Variants in SRPK2 observed in about 807,000 individuals in gnomAD.
SRPK2 encodes the protein SRSF protein kinase 2, also known as SFRS protein kinase 2.
In SRPK2, 21 loss-of-function variants were observed where a neutral mutation model predicts 90.8. The observed-to-expected ratio is 0.23, with a 90% confidence interval of 0.16 to 0.33. SRPK2 has a LOEUF of 0.33. Among genes scored for constraint, SRPK2 ranks in the 10% least tolerant of loss-of-function variants. SRPK2 has a pLI of 1.00. For missense variants in SRPK2, 620 were observed against 869.0 expected (o/e 0.71, Z 3.60); for synonymous variants, 288 against 311.1 (o/e 0.93, Z 0.78).
intron 2 of SRPK2, among the ~76,000 whole-genome samples, chr7:105,363,561 C>G (rs1386762044): frequency 1.3e-5 from 2 of 152,274 alleles, no homozygotes; most frequent in African/African-American, 2.4e-5. Flanking sequence ...GAAATAGGAA[C>G]ACTTTTACAC....
At chr7:105,324,017 G>GGGTGT (rs1813267884) in intron 2 of SRPK2, among the ~76,000 whole-genome samples, 1 of 148,448 alleles carries the variant, frequency 6.7e-6, no homozygotes, top group African/African-American at 2.5e-5. Flanking sequence ...GTGTGTGTGT[G>GGGTGT]GTGGAGTCTC....
intron 2 of SRPK2, among the ~76,000 whole-genome samples, chr7:105,299,619 G>A (rs1810278335): frequency 6.6e-6 from 1 of 152,332 alleles, no homozygotes; most frequent in South Asian, 2.1e-4. Flanking sequence ...GAGGCCTGGT[G>A]CCGTGGCTCA....
intron 2 of SRPK2, among the ~76,000 whole-genome samples, chr7:105,314,439 T>G (rs1411858876): frequency 6.6e-6 from 1 of 152,034 alleles, no homozygotes; most frequent in Non-Finnish European, 1.5e-5. Context: ...CAGGCTGGAG[T>G]GCAGTGGCAG....
intron 2 of SRPK2, among the ~76,000 whole-genome samples, chr7:105,333,097 G>A (rs1448517095): frequency 1.3e-5 from 2 of 152,164 alleles, no homozygotes; most frequent in South Asian, 4.1e-4. Flanking sequence ...GGGAGGCTGA[G>A]GCAGAAGAAC....
At chr7:105,334,926 T>C (rs1408595168) in intron 2 of SRPK2, among the ~76,000 whole-genome samples, 1 of 151,066 alleles carries the variant, frequency 6.6e-6, no homozygotes, top group Non-Finnish European at 1.5e-5. Context: ...TCCCAGACTT[T>C]GGGAGGCCAA....
intron 3 of SRPK2, among the ~76,000 whole-genome samples, chr7:105,188,336 G>A (rs1040683719): frequency 6.6e-6 from 1 of 151,602 alleles, no homozygotes; most frequent in African/African-American, 2.4e-5. Flanking sequence ...TAGAGGGGAG[G>A]AGAATAGGGA....
intron 2 of SRPK2, among the ~76,000 whole-genome samples, chr7:105,328,116 T>A (rs1009951918): frequency 1.3e-5 from 2 of 152,158 alleles, no homozygotes; most frequent in Non-Finnish European, 2.9e-5. Flanking sequence ...ATACAGATTA[T>A]CAGACTTCCA....
At chr7:105,344,840 TAA>T (rs35086357) in intron 2 of SRPK2, among the ~76,000 whole-genome samples, 6 of 141,266 alleles carry the variant, frequency 4.2e-5, no homozygotes, top group Non-Finnish European at 4.6e-5. Flanking sequence ...CACTCACACT[TAA>T]AAAAAAAAAA....
At chr7:105,233,110 AGG>A (rs1799694872) in intron 2 of SRPK2, among the ~76,000 whole-genome samples, 2 of 139,180 alleles carry the variant, frequency 1.4e-5, no homozygotes, top group Admixed American at 1.4e-4. Context: ...GAAGGAAGGA[AGG>A]AAGGAAGGAA....
chr7:105,246,120 T>G (rs1401292555), intron 2 of SRPK2, among the ~76,000 whole-genome samples: 1 of 152,194 alleles, frequency 6.6e-6, no homozygotes, highest in Non-Finnish European at 1.5e-5. Flanking sequence ...CTTAATTCTA[T>G]TCTTACATAG....
intron 2 of SRPK2, among the ~76,000 whole-genome samples, chr7:105,267,245 T>C (rs1456677979): frequency 6.6e-6 from 1 of 152,170 alleles, no homozygotes; most frequent in Non-Finnish European, 1.5e-5. Context: ...CACTCCTAAT[T>C]TGTTTCTCAA....
chr7:105,145,369 G>T, intron 8 of SRPK2, 61 bp from the exon 9 acceptor site: 1 of 1,293,190 alleles, frequency 7.7e-7, no homozygotes, highest in Non-Finnish European at 1.1e-6. Flanking sequence ...CTTCATGTAG[G>T]TCATTCGAAT....
chr7:105,121,848 G>C (rs187633979), intron 15 of SRPK2, among the ~76,000 whole-genome samples: 1 of 152,332 alleles, frequency 6.6e-6, no homozygotes, highest in Admixed American at 6.5e-5. Context: ...TTTTATCCAT[G>C]AAATTGTCAT....
intron 2 of SRPK2, among the ~76,000 whole-genome samples, chr7:105,360,314 T>C (rs191204774): frequency 1.3e-5 from 2 of 152,346 alleles, no homozygotes; most frequent in African/African-American, 2.4e-5. Flanking sequence ...AGCACACTGA[T>C]AGGTCTTGAC....
chr7:105,392,441 C>T (rs1386874610), upstream of SRPK2, among the ~76,000 whole-genome samples: 2 of 152,212 alleles, frequency 1.3e-5, no homozygotes, highest in Non-Finnish European at 2.9e-5. Context: ...GACAATATCT[C>T]AATGGGTTGG....
chr7:105,329,372 G>GAC (rs1032790402), intron 2 of SRPK2, among the ~76,000 whole-genome samples: 25 of 152,186 alleles, frequency 1.6e-4, no homozygotes, highest in Non-Finnish European at 3.1e-4. Flanking sequence ...CAAGGACTGA[G>GAC]ACAGACCTAG....
chr7:105,145,382 C>A, intron 8 of SRPK2, 74 bp from the exon 9 acceptor site: 1 of 1,086,464 alleles, frequency 9.2e-7, no homozygotes. Context: ...ATTCGAATTG[C>A]AAAGTGAAAT....
intron 2 of SRPK2, among the ~76,000 whole-genome samples, chr7:105,219,146 G>A (rs182314586): frequency 7.5e-4 from 114 of 152,134 alleles, no homozygotes; most frequent in African/African-American, 2.4e-3. Flanking sequence ...AGTGGTCGGC[G>A]CATACTTCCC....
Position 105,341,646 on chromosome 7 carries a change from T to C in SRPK2, c.71+47002A>G, listed in dbSNP as rs183768134. ...AAGATGGCATCACTGCATTCCAGTC[T>C]AGGCAACAAAGCAATTCTGTCTCAA... is the stretch of plus-strand genomic sequence containing the variant. On this transcript the variant is annotated intron_variant, in intron 2 of 15. Transcript: ENST00000393651. Among the ~76,000 whole-genome samples, 326 of 152,076 alleles carry C rather than the reference T, an allele frequency of 2.1e-3. 1 individual carries two copies. Among genetic ancestry groups the C allele is most frequent in the African/African-American group, 7.4e-3 (305 of 41,492 alleles).
Sources: allele counts gnomAD v4.1 joint callset (sites outside exome capture counted in the v4.1 genomes callset), GRCh38; gene constraint gnomAD v4.1.1; transcripts MANE v1.5; gene names NCBI Gene and HGNC (gene_info 2026-07-23, HGNC 2026-07-21).